Variants in ATP9B observed in about 807,000 individuals in gnomAD.
The protein encoded by ATP9B is probable phospholipid-transporting ATPase IIB.
A neutral mutation model predicts 146.1 loss-of-function variants in ATP9B; 110 were observed. The observed-to-expected ratio is 0.75, with a 90% CI of 0.65 to 0.88. The LOEUF (loss-of-function observed/expected upper bound fraction) is 0.88. Among genes scored for constraint, ATP9B ranks in the 40% least tolerant of loss-of-function variants. The pLI, the probability that ATP9B is intolerant of heterozygous loss-of-function variation, is 0.00. For missense variants in ATP9B, 1,499 were observed against 1,496.4 expected (o/e 1.00, Z -0.03); for synonymous variants, 604 against 569.7 (o/e 1.06, Z -0.86).
chr18:79,327,288 G>C (rs1294611581), intron 15 of ATP9B, among the ~76,000 whole-genome samples: 1 of 152,206 alleles, frequency 6.6e-6, no homozygotes, highest in African/African-American at 2.4e-5. Context: ...TGAGGTTGTG[G>C]TTTAAGAAGA....
intron 15 of ATP9B, chr18:79,307,486 G>A: frequency 6.1e-6 from 3 of 490,438 alleles, no homozygotes; most frequent in Non-Finnish European, 7.3e-6. Context: ...CTGGTCACAG[G>A]GAACAGCATG....
At chr18:79,187,788 AG>A (rs1312219055) in intron 8 of ATP9B, among the ~76,000 whole-genome samples, 2 of 152,238 alleles carry the variant, frequency 1.3e-5, no homozygotes, top group Non-Finnish European at 2.9e-5. Flanking sequence ...CAAGGAACTC[AG>A]AGCAATTTAC....
At chr18:79,124,431 T>G (rs1334127425) in intron 4 of ATP9B, among the ~76,000 whole-genome samples, 1 of 152,374 alleles carries the variant, frequency 6.6e-6, no homozygotes, top group South Asian at 2.1e-4. Context: ...AGCTGGTGTC[T>G]TCAGTGGAAA....
chr18:79,318,647 C>G (rs2096696493), intron 15 of ATP9B, among the ~76,000 whole-genome samples: 1 of 152,232 alleles, frequency 6.6e-6, no homozygotes, highest in South Asian at 2.1e-4. Flanking sequence ...ATGGAACCTG[C>G]TGCTTGCTCA....
intron 7 of ATP9B, among the ~76,000 whole-genome samples, chr18:79,156,483 G>T (rs757764742): frequency 2.6e-5 from 4 of 152,172 alleles, no homozygotes; most frequent in Non-Finnish European, 5.9e-5. Flanking sequence ...CAAAGCTTCC[G>T]TCAGCCTGGT....
chr18:79,321,704 T>C (rs1170672033), intron 15 of ATP9B, among the ~76,000 whole-genome samples: 4 of 152,182 alleles, frequency 2.6e-5, no homozygotes, highest in Non-Finnish European at 2.9e-5. Context: ...TTAAAAACAA[T>C]TGGATGGAAT....
chr18:79,094,500 C>T (rs1287600681), intron 1 of ATP9B, among the ~76,000 whole-genome samples: 1 of 152,192 alleles, frequency 6.6e-6, no homozygotes, highest in Non-Finnish European at 1.5e-5. Context: ...CCAGGGACGT[C>T]CACATCCTGT....
chr18:79,346,426 C>CGTCAGCACGTGCTCAGCGCACA (rs1460010769), intron 23 of ATP9B, among the ~76,000 whole-genome samples: 1 of 151,746 alleles, frequency 6.6e-6, no homozygotes, highest in Non-Finnish European at 1.5e-5. Context: ...GGTCAGCGCA[C>CGTCAGCACGTGCTCAGCGCACA]GTCAGCACGT....
At chr18:79,255,422 C>G (rs1422789191) in intron 12 of ATP9B, among the ~76,000 whole-genome samples, 1 of 152,214 alleles carries the variant, frequency 6.6e-6, no homozygotes, top group East Asian at 1.9e-4. Context: ...CCAGCTTCCT[C>G]CATTTGATGC....
intron 12 of ATP9B, among the ~76,000 whole-genome samples, chr18:79,272,473 C>T (rs1027865074): frequency 3.9e-5 from 6 of 151,988 alleles, no homozygotes; most frequent in African/African-American, 4.8e-5. Context: ...GAATCCTGCA[C>T]GGATACGCTT....
chr18:79,205,929 A>G (rs1176469751), intron 9 of ATP9B, among the ~76,000 whole-genome samples: 1 of 151,952 alleles, frequency 6.6e-6, no homozygotes, highest in African/African-American at 2.4e-5. Flanking sequence ...ATTTCGTGTA[A>G]TAACAGCATA....
chr18:79,162,483 T>G (rs921600291), intron 7 of ATP9B, among the ~76,000 whole-genome samples: 4 of 152,240 alleles, frequency 2.6e-5, no homozygotes, highest in African/African-American at 9.6e-5. Flanking sequence ...CATCAATCTC[T>G]TATAAATGTC....
At chr18:79,214,289 T>C (rs541620191) in intron 11 of ATP9B, among the ~76,000 whole-genome samples, 1 of 152,340 alleles carries the variant, frequency 6.6e-6, no homozygotes, top group Non-Finnish European at 1.5e-5. Flanking sequence ...TTGTCAGATA[T>C]ATAATTTGCC....
chr18:79,274,904 C>T (rs539962303), intron 12 of ATP9B, among the ~76,000 whole-genome samples: 5 of 152,338 alleles, frequency 3.3e-5, no homozygotes, highest in East Asian at 1.9e-4. Flanking sequence ...AGTCTAACCA[C>T]GGAAACGGTT....
rs200313427 is a variant in ATP9B at position 79,290,476 on chromosome 18, G to GA, written c.1412-13128_1412-13127insA. Among the ~76,000 whole-genome samples, 1,675 of 152,336 alleles carry GA rather than the reference G, an allele frequency of 0.011. 77 individuals carry two copies. The East Asian group carries it at 0.11, about 10-fold the overall frequency. ...TTTTTAAGCCCGTCAGAAAAGTGCA[G>GA]TATTCGGGTGGGAGTGACCCGATTT... is the stretch of plus-strand genomic sequence containing the variant. On this transcript the variant is annotated intron_variant, in intron 13 of 29. Coordinates refer to ENST00000426216, the MANE Select transcript of ATP9B (RefSeq NM_198531.5).
rs371071807 is a variant in ATP9B at position 79,122,982 on chromosome 18, T to C, written c.559-3285T>C. Among the ~76,000 whole-genome samples, 724 of 152,294 alleles carry C rather than the reference T, an allele frequency of 4.8e-3. 4 individuals are homozygous for C. The highest frequency in any genetic ancestry group is 0.024 in the South Asian group (117 of 4,824). ...AATTTTGTACTTCACACAGCTGACATCACTCTTAATCATAAAAGACTGAAT... is the reference window on the plus strand; with the variant it reads ...AATTTTGTACTTCACACAGCTGACACCACTCTTAATCATAAAAGACTGAAT... On this transcript the variant is annotated intron_variant, in intron 4 of 29. Coordinates refer to ENST00000426216, the MANE Select transcript of ATP9B (RefSeq NM_198531.5).
At chr18:79,123,105 C>T (rs2094217595) in intron 4 of ATP9B, among the ~76,000 whole-genome samples, 1 of 152,020 alleles carries the variant, frequency 6.6e-6, no homozygotes, top group South Asian at 2.1e-4. Flanking sequence ...TAAAAGGCAT[C>T]TAGATGGAAA....
chr18:79,114,027 G>C (rs1278164529), intron 4 of ATP9B, among the ~76,000 whole-genome samples: 1 of 152,028 alleles, frequency 6.6e-6, no homozygotes. Context: ...CTGGAGTGTA[G>C]TGGCACAATC....
At chr18:79,359,324 G>T (rs200835434) in intron 25 of ATP9B, 30 bp from the exon 26 acceptor site, 58 of 1,528,656 alleles carry the variant, frequency 3.8e-5, no homozygotes, top group Middle Eastern at 3.4e-4. Flanking sequence ...AGTTTCTCAC[G>T]CCCATTGCAC....
Sources: allele counts gnomAD v4.1 joint callset (sites outside exome capture counted in the v4.1 genomes callset), GRCh38; gene constraint gnomAD v4.1.1; transcripts MANE v1.5; gene names NCBI Gene and HGNC (gene_info 2026-07-23, HGNC 2026-07-21).